The following MCF2 variants were observed in gnomAD, a reference collection of about 807,000 sequenced individuals.
MCF2 encodes the protein proto-oncogene DBL.
In MCF2, 44 loss-of-function variants were observed where a neutral mutation model predicts 82.5. That is an observed-to-expected ratio of 0.53 (90% CI 0.42 to 0.69). MCF2 has a LOEUF of 0.69. MCF2 is among the 30% of genes least tolerant of loss of function. The pLI, the probability that MCF2 is intolerant of heterozygous loss-of-function variation, is 0.00. For missense variants in MCF2, 623 were observed against 663.1 expected, an observed-to-expected ratio of 0.94 and a Z score of 0.66; for synonymous variants, 217 against 224.9, an observed-to-expected ratio of 0.96 and a Z score of 0.32.
intron 1 of MCF2, among the ~76,000 whole-genome samples, chrX:139,677,349 G>A (rs951704766): frequency 9.0e-6 from 1 of 111,163 alleles, no homozygotes; most frequent in Non-Finnish European, 1.9e-5. Context: ...TCGCCCACCC[G>A]ACCCTCTTCC....
intron 1 of MCF2, among the ~76,000 whole-genome samples, chrX:139,707,096 AAAG>A (rs1386805871): frequency 2.2e-4 from 24 of 110,485 alleles, no homozygotes; most frequent in Non-Finnish European, 4.3e-4. Flanking sequence ...TCAGATGAAA[AAAG>A]AAGGATGGAG....
At chrX:139,613,572 C>T (rs948231342) in intron 10 of MCF2, among the ~76,000 whole-genome samples, 2 of 110,977 alleles carry the variant, frequency 1.8e-5, no homozygotes, top group African/African-American at 6.5e-5. Context: ...TAGGTATTAT[C>T]GTCCTTATTG....
intron 1 of MCF2, among the ~76,000 whole-genome samples, chrX:139,674,892 C>T (rs1934819815): frequency 8.9e-6 from 1 of 112,091 alleles, no homozygotes; most frequent in South Asian, 3.7e-4. Flanking sequence ...TGGGGAAGTT[C>T]TCCTGGATAA....
rs771614554 is a variant in MCF2, at chrX:139,632,418, A to G, written c.88T>C (p.Leu30=). ...CGTTGAAGAAAGCTGGTAGGACGTA[A>G]AACCAAAACCAAGTGCAAGTTCCCA... The change falls in exon 2 of 25, where the codon TTA becomes CTA. Residue 30 remains leucine, a synonymous_variant. Coordinates refer to ENST00000370576, the Ensembl canonical transcript of MCF2. 7 of 1,202,141 alleles carry G rather than the reference A, an allele frequency of 5.8e-6. No individual in the cohort carries two copies. In the Admixed American group the frequency reaches 1.5e-4, roughly 27 times the overall value.
chrX:139,685,463 T>C (rs751564859), intron 1 of MCF2, among the ~76,000 whole-genome samples: 108 of 111,280 alleles, frequency 9.7e-4, no homozygotes, highest in Non-Finnish European at 2.1e-4. Context: ...TCCTATTCTG[T>C]TCCGTTCTAA....
intron 1 of MCF2, among the ~76,000 whole-genome samples, chrX:139,676,680 T>C (rs1363018937): frequency 8.9e-6 from 1 of 112,092 alleles, no homozygotes; most frequent in Non-Finnish European, 1.9e-5. Context: ...AGGGTTATTG[T>C]AATGAATAAG....
At chrX:139,589,730 G>T in intron 20 of MCF2, 105 bp downstream of exon 24, 1 of 538,505 alleles carries the variant, frequency 1.9e-6, no homozygotes, top group East Asian at 3.5e-5. Context: ...TACATGAAAG[G>T]GGTGGAAATT....
chrX:139,704,033 A>G (rs1198943286), intron 1 of MCF2, among the ~76,000 whole-genome samples: 3 of 111,796 alleles, frequency 2.7e-5, no homozygotes, highest in Non-Finnish European at 5.6e-5. Context: ...AAAGCTTTCA[A>G]TAACTTCCAA....
intron 2 of MCF2, 99 bp downstream of exon 5, chrX:139,632,236 T>G (rs1932962980): frequency 1.5e-6 from 1 of 654,577 alleles, no homozygotes; most frequent in East Asian, 3.9e-5. Flanking sequence ...TTAATTTTTT[T>G]CTTTTAAATG....
In MCF2 at chrX:139,605,556, G is replaced by A. The variant is rs1002611093; in HGVS notation, c.1557+157C>T. Among the ~76,000 whole-genome samples the A allele has an allele frequency of 6.3e-5, 7 of 110,808 alleles. No homozygotes were observed. In the South Asian group the frequency reaches 1.9e-3, roughly 31 times the overall value. ...AGAGCCTGAATGTGCACGTTTAACC[G>A]ACATGCTGCATCAAACAATAAAAGA... On this transcript the variant is annotated intron_variant, in intron 13 of 24. Coordinates refer to ENST00000370576, the Ensembl canonical transcript of MCF2.
chrX:139,701,004 C>T (rs779359451), intron 1 of MCF2, among the ~76,000 whole-genome samples: 2 of 111,470 alleles, frequency 1.8e-5, no homozygotes, highest in East Asian at 5.7e-4. Context: ...TCCCTCCTGC[C>T]TCCCCAGATC....
intron 1 of MCF2, among the ~76,000 whole-genome samples, chrX:139,664,966 C>T (rs772104223): frequency 1.1e-4 from 12 of 111,272 alleles, no homozygotes; most frequent in African/African-American, 1.6e-4. Context: ...CTAGAAATGC[C>T]GTATGGGAGC....
chrX:139,623,406 A>G (rs1569364504), intron 6 of MCF2, among the ~76,000 whole-genome samples: 2 of 112,042 alleles, frequency 1.8e-5, no homozygotes, highest in African/African-American at 6.5e-5. Context: ...CATAAAAAAA[A>G]CAAAATCATG....
At chrX:139,600,891 A>G (rs993419291) in intron 16 of MCF2, among the ~76,000 whole-genome samples, 5 of 112,036 alleles carry the variant, frequency 4.5e-5, no homozygotes, top group Non-Finnish European at 7.5e-5. Flanking sequence ...AGTGAAGACA[A>G]CAGAAGATGT....
Position 139,637,840 on chromosome X carries a change from G to A in MCF2, c.51+4628C>T, listed in dbSNP as rs935662510. On this transcript the variant is annotated intron_variant, in intron 1 of 24. Coordinates refer to ENST00000370576, the Ensembl canonical transcript of MCF2. The stretch of plus-strand genomic sequence containing the variant: ...GGATCTTGATATGGGGAGATTATCC[G>A]GGATTATCATGGTGGGACCGATGTA... 8.1e-5 allele frequency among the ~76,000 whole-genome samples: 9 copies of A among 111,206 alleles called. No homozygotes were observed. The South Asian group carries it at 1.9e-3, about 24-fold the overall frequency.
At chrX:139,626,720 G>T (rs777548806) in exon 5 of MCF2, 1 of 1,209,320 alleles carries the variant, frequency 8.3e-7, no homozygotes, top group South Asian at 1.8e-5. Context: ...TTTGTTAGCA[G>T]AATTTTTCCT....
At chrX:139,661,235 T>A (rs917190122) in intron 1 of MCF2, among the ~76,000 whole-genome samples, 3 of 111,345 alleles carry the variant, frequency 2.7e-5, no homozygotes, top group Non-Finnish European at 3.8e-5. Flanking sequence ...TGATATGGTT[T>A]GAGTATAGAG....
At chrX:139,704,562 C>T (rs1569408532) in intron 1 of MCF2, among the ~76,000 whole-genome samples, 1 of 111,459 alleles carries the variant, frequency 9.0e-6, no homozygotes, top group South Asian at 3.8e-4. Flanking sequence ...ACTCATGTAA[C>T]AAAACACCAC....
intron 1 of MCF2, among the ~76,000 whole-genome samples, chrX:139,634,815 G>A (rs776630939): frequency 1.8e-3 from 204 of 111,657 alleles, no homozygotes; most frequent in Non-Finnish European, 2.7e-3. Context: ...TATGATTAGG[G>A]CCAGACATGG....
Sources: gnomAD v4.1 joint callset for allele counts (sites outside exome capture counted in the v4.1 genomes callset) on GRCh38, gnomAD v4.1.1 for gene constraint, MANE v1.5 for transcripts, NCBI Gene and HGNC (gene_info 2026-07-23, HGNC 2026-07-21) for gene names.